Variants in ARHGAP45 observed in about 807,000 individuals in gnomAD.
The protein encoded by ARHGAP45 is rho GTPase-activating protein 45.
ARHGAP45 carries 56 observed loss-of-function variants against 116.1 expected under a neutral mutation model. The ratio of observed to expected loss-of-function variants is 0.48; its 90% CI spans 0.39 to 0.60. ARHGAP45 has a LOEUF of 0.60. Among genes scored for constraint, ARHGAP45 ranks in the 20% least tolerant of loss-of-function variants. The probability of loss-of-function intolerance (pLI) is 0.00; values close to 1 mark genes in which losing one functional copy is unlikely to be tolerated. For missense variants in ARHGAP45, 1,622 were observed against 1,601.0 expected, an observed-to-expected ratio of 1.01 and a Z score of -0.22; for synonymous variants, 866 against 701.7, an observed-to-expected ratio of 1.23 and a Z score of -3.70.
At position 1,083,347 on chromosome 19, in the gene ARHGAP45, G is replaced by T; in HGVS notation, c.2949G>T (p.Gly983=). ...AGGAGGAGCCGGAGGAGACCCCCGG[G>T]GGCCAGGTGAGGGTGTGGGCCTGAC... ...VFEEEPEETP[G]GQDESSNQRA... The change falls in exon 21 of 23, where the codon GGG becomes GGT. Residue 983 remains glycine (G), a synonymous_variant. Transcript: ENST00000313093. 1.3e-6 allele frequency: 2 copies of T among 1,546,920 alleles called. No homozygotes were observed. Among genetic ancestry groups the T allele is most frequent in the East Asian group, 4.8e-5 (2 of 41,430 alleles).
chr19:1,084,603 G>A (rs1290252426), intron 22 of ARHGAP45, among the ~76,000 whole-genome samples: 1 of 152,238 alleles, frequency 6.6e-6, no homozygotes, highest in East Asian at 1.9e-4. Context: ...TGGGGCTGAT[G>A]CCTTGTGAGG....
rs2043498259 is a variant in ARHGAP45 at position 1,083,266 on chromosome 19, T to C, written c.2868T>C (p.Tyr956=). ...TGTCCCTCTCCTCCCTGGTGGATTA[T>C]CCCCATCAGGCCCGCGTCATCGAGA... ...ATVSLSSLVD[Y]PHQARVIETL... is the part of the protein sequence containing the mutation. The change falls in exon 21 of 23, where the codon TAT becomes TAC. Residue 956 remains tyrosine, a synonymous_variant. Coordinates refer to ENST00000313093, the MANE Select transcript of ARHGAP45 (RefSeq NM_012292.5). The C allele has an allele frequency of 6.2e-7, 1 of 1,600,328 alleles. No individual in the cohort carries two copies. The highest frequency in any genetic ancestry group is 8.5e-7 in the Non-Finnish European group (1 of 1,173,600).
At chr19:1,082,594 A>C in intron 19 of ARHGAP45, 6 of 501,066 alleles carry the variant, frequency 1.2e-5, no homozygotes, top group East Asian at 3.4e-5. Context: ...TCGTTAGGGT[A>C]CCTGCAGGGC....
At position 1,082,799 on chromosome 19, in the gene ARHGAP45, G is replaced by A. The variant is rs186539887; in HGVS notation, c.2518-41G>A. On this transcript the variant is annotated intron_variant, in intron 19 of 22. Coordinates refer to ENST00000313093, the MANE Select transcript of ARHGAP45 (RefSeq NM_012292.5). ...CGTGGCAGGCACACGTGGGGGCTGG[G>A]CCAGGCCCACCAACACCTGCTGACC... 6.0e-4 allele frequency: 865 copies of A among 1,444,240 alleles called. 4 individuals carry two copies. The African/African-American group carries it at 0.011, about 18-fold the overall frequency. The allele number at this position is 1,444,240 out of a possible 1,614,324, so 89.5% of individuals were successfully genotyped here.
At chr19:1,082,569 G>A (rs868613992) in intron 19 of ARHGAP45, 50 of 513,872 alleles carry the variant, frequency 9.7e-5, no homozygotes, top group African/African-American at 7.3e-4. Context: ...AGACTATGCT[G>A]AGTGGAGCCG....
chr19:1,067,115 G>C (rs1052025603), upstream of ARHGAP45: 27 of 1,088,908 alleles, frequency 2.5e-5, no homozygotes, highest in Admixed American at 5.0e-5. Flanking sequence ...GGCGGAAGCG[G>C]GGGGCGCGGC....
chr19:1,085,454 T>A (rs1489484690), intron 22 of ARHGAP45, among the ~76,000 whole-genome samples: 1 of 150,564 alleles, frequency 6.6e-6, no homozygotes, highest in African/African-American at 2.4e-5. Context: ...CCCTTGTCTC[T>A]CTCTCCTCCT....
chr19:1,082,117 T>C (rs1599770417), intron 19 of ARHGAP45, among the ~76,000 whole-genome samples, 156 bp downstream of exon 19: 1 of 126,558 alleles, frequency 7.9e-6, no homozygotes, highest in East Asian at 2.3e-4. Flanking sequence ...GGACAGTGCC[T>C]GGCAGGGCAG....
rs1175765588 is a variant in ARHGAP45 at position 1,067,248 on chromosome 19, G to GC, written c.-158_-157insC. Reference sequence around the variant, plus strand: ...GCCTCCCCGAAGCCTTTTCCTGTTGGGGGGAGGGCCCGCCAGTGACGGCCG... The same window carrying GC: ...GCCTCCCCGAAGCCTTTTCCTGTTGGCGGGGAGGGCCCGCCAGTGACGGCCG... On this transcript the variant is annotated 5_prime_UTR_variant, in exon 1 of 23. Transcript: ENST00000313093. 25 of 1,379,946 alleles carry GC rather than the reference G, an allele frequency of 1.8e-5. No individual in the cohort carries two copies. In the Admixed American group the frequency reaches 2.2e-4, roughly 12 times the overall value. The allele number at this position is 1,379,946 out of a possible 1,614,324, so 85.5% of individuals were successfully genotyped here. A position where few individuals can be genotyped will look rare whatever the true frequency, so the allele number is the denominator to read the frequency against.
chr19:1,071,355 C>CT lies in ARHGAP45; in HGVS notation c.422-1794_422-1793insT. Reference sequence around the variant, plus strand: ...CCCCGTGCGCTGCCGGGCGGGCCCCCGAGGTGAGGGGACAGGTGCCGGGCG... The same window carrying CT: ...CCCCGTGCGCTGCCGGGCGGGCCCCCTGAGGTGAGGGGACAGGTGCCGGGCG... On this transcript the variant is annotated intron_variant, in intron 2 of 22. Coordinates refer to ENST00000313093, the MANE Select transcript of ARHGAP45 (RefSeq NM_012292.5). This position sits in a 1 kb window ranked among gnomAD's most constrained non-coding sequence, Gnocchi z 4.6. 7.5e-7 allele frequency: 1 copy of CT among 1,332,424 alleles called. No individual in the cohort carries two copies. The highest frequency in any genetic ancestry group is 9.6e-7 in the Non-Finnish European group (1 of 1,045,426). 82.5% of individuals were successfully genotyped at this position (1,332,424 alleles called of 1,614,324 possible). A position where few individuals can be genotyped will look rare whatever the true frequency, so the allele number is the denominator to read the frequency against.
chr19:1,068,404 C>T lies in ARHGAP45; in HGVS notation c.91-10C>T, dbSNP rs1453377862. ...ATCCCTTTAACGAGCTCCCCTCGGA[C>T]CTGCCCAAGGAGCTGCCCAGGAAGG... On this transcript the variant is annotated splice_polypyrimidine_tract_variant and intron_variant, in intron 1 of 22. Coordinates refer to ENST00000313093, the MANE Select transcript of ARHGAP45 (RefSeq NM_012292.5). The surrounding 1 kb of genome is among the most constrained non-coding windows in gnomAD (Gnocchi z 7.5). 2 of 1,533,004 alleles carry T rather than the reference C, an allele frequency of 1.3e-6. No individual in the cohort carries two copies. Among genetic ancestry groups the T allele is most frequent in the South Asian group, 1.2e-5 (1 of 82,540 alleles). 95.0% of individuals were successfully genotyped at this position (1,533,004 alleles called of 1,614,324 possible).
chr19:1,074,024 C>G lies in ARHGAP45; in HGVS notation c.790+10C>G. On this transcript the variant is annotated intron_variant, in intron 6 of 22. Transcript: ENST00000313093. ...GAAGACTGTGACGCCGGTAAGCCCC[C>G]ACCCAGCGGCAGGCAGGCATTTGAG... 1 of 1,596,586 alleles carries G rather than the reference C, an allele frequency of 6.3e-7. No individual in the cohort carries two copies. The highest frequency in any genetic ancestry group is 8.5e-7 in the Non-Finnish European group (1 of 1,172,254).
intron 8 of ARHGAP45, 41 bp downstream of exon 8, chr19:1,074,448 G>C (rs1017795745): frequency 6.8e-7 from 1 of 1,471,682 alleles, no homozygotes; most frequent in Middle Eastern, 2.1e-4. Flanking sequence ...CCCTGGGCCC[G>C]GGTGTGAGTC....
At chr19:1,082,771 G>T in intron 19 of ARHGAP45, 69 bp from the exon 20 acceptor site, 1 of 1,319,998 alleles carries the variant, frequency 7.6e-7, no homozygotes, top group East Asian at 2.6e-5. Context: ...CTGAGGCTGG[G>T]GGCGTGGCAG....
At position 1,074,620 on chromosome 19, in the gene ARHGAP45, A is replaced by G; in HGVS notation, c.1000A>G (p.Met334Val). ...CRQSVMQEPH[M>V]PLLSIYSLAL... ...GCCGGTGCCCCACCCACAGCCCCAC[A>G]TGCCGCTCCTGTCCATCTACTCGCT... The change falls in exon 9 of 23, where the codon ATG (methionine) becomes GTG (valine). Residue 334 changes from methionine (M) to valine (V), a missense_variant. By Grantham distance (21) the Met-to-Val change is conservative. Transcript: ENST00000313093. 6.3e-7 allele frequency: 1 copy of G among 1,587,150 alleles called. No individual in the cohort carries two copies. Among genetic ancestry groups the G allele is most frequent in the Non-Finnish European group, 8.6e-7 (1 of 1,167,310 alleles).
intron 2 of ARHGAP45, 144 bp from the exon 3 acceptor site, chr19:1,073,005 G>A: frequency 2.9e-6 from 3 of 1,023,758 alleles, no homozygotes; most frequent in Admixed American, 2.4e-5. Flanking sequence ...CCGCGGTCTC[G>A]AAATGAGCCC....
chr19:1,079,598 C>T (rs2043365889), intron 11 of ARHGAP45, 105 bp from the exon 12 acceptor site: 28 of 1,446,026 alleles, frequency 1.9e-5, no homozygotes, highest in Admixed American at 6.3e-5. Flanking sequence ...TGTGGCCTCC[C>T]GAGGCGCTGG....
At chr19:1,082,768 TG>T in intron 19 of ARHGAP45, 71 bp from the exon 20 acceptor site, 2 of 1,266,110 alleles carry the variant, frequency 1.6e-6, no homozygotes, top group South Asian at 1.6e-5. Context: ...GGGCTGAGGC[TG>T]GGGGCGTGGC....
chr19:1,075,051 C>A (rs534061163), intron 10 of ARHGAP45, among the ~76,000 whole-genome samples, 172 bp downstream of exon 10: 15 of 148,910 alleles, frequency 1.0e-4, no homozygotes, highest in Non-Finnish European at 5.9e-5. Context: ...CAAGCCGGGT[C>A]GGAGATGCTC....
Sources: allele counts gnomAD v4.1 joint callset (sites outside exome capture counted in the v4.1 genomes callset), GRCh38; gene constraint gnomAD v4.1.1; non-coding constraint Gnocchi (gnomAD v3.1); transcripts MANE v1.5; gene names NCBI Gene and HGNC (gene_info 2026-07-23, HGNC 2026-07-21).